The following KNG1 variants were observed in gnomAD, a reference collection of about 807,000 sequenced individuals.
KNG1 encodes the protein kininogen-1.
Under a neutral mutation model 47.8 loss-of-function variants are expected in KNG1, and 23 were observed. The ratio of observed to expected loss-of-function variants is 0.48; its 90% CI spans 0.35 to 0.68. The LOEUF is 0.68. Among genes scored for constraint, KNG1 ranks in the 30% least tolerant of loss-of-function variants. The pLI, the probability that KNG1 is intolerant of heterozygous loss-of-function variation, is 0.01. For missense variants in KNG1, 762 were observed against 790.2 expected (o/e 0.96, Z 0.43); for synonymous variants, 277 against 277.0 (o/e 1.00, Z 0.00).
In KNG1 at chr3:186,742,832, G is replaced by C; in HGVS notation, c.*501G>C. ...ACCCGGGAGGCGGAGGTTGCAGTGA[G>C]CCGAGATCGTGCCACTGCGCTCCAG... On this transcript the variant is annotated 3_prime_UTR_variant, in exon 10 of 10. Coordinates refer to ENST00000644859, the MANE Select transcript of KNG1 (RefSeq NM_001102416.3). The C allele has an allele frequency of 1.1e-6, 1 of 939,636 alleles. No homozygotes were observed. The allele number at this position is 939,636 out of a possible 1,614,324, so 58.2% of individuals were successfully genotyped here.
chr3:186,717,997 C>G (rs1209420732), intron 1 of KNG1: 17 of 351,728 alleles, frequency 4.8e-5, no homozygotes, highest in Non-Finnish European at 8.4e-5. Flanking sequence ...TCATCACCCA[C>G]CACCACCCAC....
In KNG1 at chr3:186,735,903, A is replaced by C. The variant is rs5030110; in HGVS notation, c.931-3196A>C. ...AGCAATGTGCCCATCTCAACCTCCC[A>C]AGTAGCTGGGATTACAGGCGCACAC... On this transcript the variant is annotated intron_variant, in intron 7 of 9. Coordinates refer to ENST00000644859, the MANE Select transcript of KNG1 (RefSeq NM_001102416.3). 9.1e-3 allele frequency: 1,390 copies of C among 152,308 alleles called. 7 individuals are homozygous for C. Among genetic ancestry groups the C allele is most frequent in the Middle Eastern group, 0.027 (8 of 294 alleles). The allele number at this position is 152,308 out of a possible 1,614,324, so 9.4% of individuals were successfully genotyped here.
At chr3:186,737,637 AC>A (rs1297265626) in intron 7 of KNG1, among the ~76,000 whole-genome samples, 2 of 151,632 alleles carry the variant, frequency 1.3e-5, no homozygotes, top group Non-Finnish European at 2.9e-5. Context: ...GCTCACTGTA[AC>A]CTCTGCCACC....
At position 186,737,438 on chromosome 3, in the gene KNG1, G is replaced by A. The variant is rs535985436; in HGVS notation, c.931-1661G>A. ...TTCATTTTTCTCTAGTCAAGTTTTA[G>A]TATTTTCCCCTTCCTTCAGATTTCT... On this transcript the variant is annotated intron_variant, in intron 7 of 9. Coordinates refer to ENST00000644859, the MANE Select transcript of KNG1 (RefSeq NM_001102416.3). 1.8e-3 allele frequency among the ~76,000 whole-genome samples: 278 copies of A among 152,104 alleles called. 1 individual carries two copies. The highest frequency in any genetic ancestry group is 6.3e-3 in the African/African-American group (260 of 41,430).
chr3:186,731,730 C>T, intron 6 of KNG1, 101 bp downstream of exon 6: 1 of 751,182 alleles, frequency 1.3e-6, no homozygotes, highest in Non-Finnish European at 2.4e-6. Context: ...CCGTGATATA[C>T]TCCAAAGTCT....
intron 2 of KNG1, chr3:186,721,870 C>T (rs1211661453): frequency 1.9e-5 from 3 of 159,564 alleles, no homozygotes; most frequent in African/African-American, 7.2e-5. Context: ...AATCGTAACA[C>T]TTTGGGAGGC....
At position 186,730,634 on chromosome 3, in the gene KNG1, C is replaced by A. The variant is rs865880; in HGVS notation, c.673-911C>A. Among the ~76,000 whole-genome samples the A allele has an allele frequency of 2.6e-3, 331 of 127,072 alleles. 1 individual carries two copies. Among genetic ancestry groups the A allele is most frequent in the African/African-American group, 9.0e-3 (305 of 34,042 alleles). The allele number at this position is 127,072 out of a possible 152,430, so 83.4% of individuals were successfully genotyped here. On this transcript the variant is annotated intron_variant, in intron 5 of 9. Coordinates refer to ENST00000644859, the MANE Select transcript of KNG1 (RefSeq NM_001102416.3). ...TTGCGCCACTGCACTCCAGCCTTGG[C>A]GACAAAGAGAGACTCCATCACAAAA...
rs56170982 is a variant in KNG1, at chr3:186,722,117, CA to C, written c.307-296del. 997 of 142,730 alleles carry C rather than the reference CA, an allele frequency of 7.0e-3. 1 individual carries two copies. Among genetic ancestry groups the C allele is most frequent in the South Asian group, 0.011 (121 of 10,714 alleles). 8.8% of individuals were successfully genotyped at this position (142,730 alleles called of 1,614,324 possible). On this transcript the variant is annotated intron_variant, in intron 2 of 9. Transcript: ENST00000644859. ...GGGTAACAAAAGCAACACTCTGTCT[CA>C]AAAAAAAAAAAAAAAAAAAAAAATA...
chr3:186,718,998 GAA>G (rs34745532), intron 1 of KNG1, among the ~76,000 whole-genome samples: 6 of 145,142 alleles, frequency 4.1e-5, no homozygotes, highest in African/African-American at 1.0e-4. Flanking sequence ...TACTTTAGCA[GAA>G]AAAAAAAAAC....
chr3:186,724,382 C>A (rs1187690118), intron 3 of KNG1, among the ~76,000 whole-genome samples: 1 of 152,162 alleles, frequency 6.6e-6, no homozygotes. Context: ...TAGGTTAGGG[C>A]TATCTGTTAT....
chr3:186,737,429 C>T (rs994695304), intron 7 of KNG1, among the ~76,000 whole-genome samples: 2 of 152,004 alleles, frequency 1.3e-5, no homozygotes, highest in African/African-American at 4.8e-5. Flanking sequence ...TTTCTCTAGT[C>T]AAGTTTTAGT....
chr3:186,719,122 A>T (rs1250767276), intron 1 of KNG1, among the ~76,000 whole-genome samples: 1 of 152,214 alleles, frequency 6.6e-6, no homozygotes, highest in Non-Finnish European at 1.5e-5. Flanking sequence ...TCATGTGAGA[A>T]ATTCTGCTTC....
chr3:186,724,826 C>A (rs1309353227), intron 3 of KNG1, among the ~76,000 whole-genome samples: 2 of 151,922 alleles, frequency 1.3e-5, no homozygotes. Context: ...CTCAGCCCCC[C>A]GAGTAGCTGG....
At chr3:186,719,585 CA>C (rs746651981) in intron 1 of KNG1, among the ~76,000 whole-genome samples, 5 of 152,012 alleles carry the variant, frequency 3.3e-5, no homozygotes, top group South Asian at 2.1e-4. Flanking sequence ...AAAAAGTAGC[CA>C]GGCGTGGTGG....
At position 186,741,748 on chromosome 3, in the gene KNG1, A is replaced by C. The variant is rs986752206; in HGVS notation, c.1352A>C (p.Gln451Pro). Reference sequence around the variant, plus strand: ...CATGGCCATAAACATGAACGTGACCAAGGGCATGGGCACCAAAGAGGACAT... The same window carrying C: ...CATGGCCATAAACATGAACGTGACCCAGGGCATGGGCACCAAAGAGGACAT... ...LGHGHKHERD[Q>P]GHGHQRGHGL... Residue 451 changes from glutamine to proline, a missense_variant, in exon 10 of 10, where the codon CAA becomes CCA. Gln to Pro is a moderately conservative substitution (Grantham distance 76). Coordinates refer to ENST00000644859, the MANE Select transcript of KNG1 (RefSeq NM_001102416.3). 6.2e-7 allele frequency: 1 copy of C among 1,614,240 alleles called. No individual in the cohort carries two copies. Among genetic ancestry groups the C allele is most frequent in the Non-Finnish European group, 8.5e-7 (1 of 1,180,050 alleles).
At chr3:186,723,905 C>T (rs986949381) in intron 3 of KNG1, among the ~76,000 whole-genome samples, 32 of 152,270 alleles carry the variant, frequency 2.1e-4, no homozygotes, top group African/African-American at 5.8e-4. Flanking sequence ...CCACCCGCCT[C>T]GGCCTCCCAA....
intron 4 of KNG1, among the ~76,000 whole-genome samples, 190 bp from the exon 5 acceptor site, chr3:186,727,047 T>TGAGA (rs1553791754): frequency 9.2e-5 from 14 of 151,882 alleles, no homozygotes; most frequent in African/African-American, 3.4e-4. Flanking sequence ...TGTGTTTGTG[T>TGAGA]GAGAGATATG....
In KNG1 at chr3:186,743,938, T is replaced by G; in HGVS notation, c.*1607T>G. On this transcript the variant is annotated 3_prime_UTR_variant, in exon 10 of 10. Coordinates refer to ENST00000644859, the MANE Select transcript of KNG1 (RefSeq NM_001102416.3). ...CTCTGGGTGAAATAAAGATCAGTCT[T>G]GATGTTCTAACTCTAATTCACAGTG... 1 of 699,134 alleles carries G rather than the reference T, an allele frequency of 1.4e-6. No individual in the cohort carries two copies. The allele number at this position is 699,134 out of a possible 1,614,324, so 43.3% of individuals were successfully genotyped here.
rs1280861667 is a variant in KNG1 at position 186,742,048 on chromosome 3, TAGCCA to T, written c.1658_1662del (p.Lys553ArgfsTer8). 8 of 1,613,892 alleles carry T rather than the reference TAGCCA, an allele frequency of 5.0e-6. No homozygotes were observed. Among genetic ancestry groups the T allele is most frequent in the Non-Finnish European group, 6.8e-6 (8 of 1,179,880 alleles). On this transcript the variant is annotated frameshift_variant, in exon 10 of 10. Transcript: ENST00000644859. LOFTEE classifies it low-confidence loss of function (END_TRUNC). ...GAAGGGCCAACACCCATCCCTTCCC[TAGCCA>T]AGCCAGGTGTAACAGTTACCTTTTC...
Sources: allele counts gnomAD v4.1 joint callset (sites outside exome capture counted in the v4.1 genomes callset), GRCh38; gene constraint gnomAD v4.1.1; transcripts MANE v1.5; gene names NCBI Gene and HGNC (gene_info 2026-07-23, HGNC 2026-07-21).